GUCY1A2: variants seen among roughly 807,000 people sequenced by gnomAD.
GUCY1A2 encodes the protein guanylate cyclase 1 soluble subunit alpha 2, also known as guanylate cyclase soluble subunit alpha-2.
GUCY1A2 carries 27 observed loss-of-function variants against 63.5 expected under a neutral mutation model. The ratio of observed to expected loss-of-function variants is 0.43; its 90% CI spans 0.31 to 0.59. The LOEUF (loss-of-function observed/expected upper bound fraction) is 0.59, where lower values mean the gene tolerates loss of function less well. Ranked by LOEUF, GUCY1A2 falls within the 20% of genes least tolerant of loss-of-function variation. GUCY1A2 has a pLI of 0.11. For missense variants in GUCY1A2, 768 were observed against 913.3 expected (o/e 0.84, Z 2.05); for synonymous variants, 364 against 343.5 (o/e 1.06, Z -0.66).
intron 7 of GUCY1A2, among the ~76,000 whole-genome samples, chr11:106,707,694 A>T (rs1041877633): frequency 6.6e-6 from 1 of 152,102 alleles, no homozygotes; most frequent in Non-Finnish European, 1.5e-5. Context: ...ACTCATCATT[A>T]TGACTGTGAG....
chr11:106,686,145 A>G lies in GUCY1A2; in HGVS notation c.*1404T>C. The G allele has an allele frequency of 4.6e-6, 1 of 216,496 alleles. No individual in the cohort carries two copies. The highest frequency in any genetic ancestry group is 9.3e-6 in the Non-Finnish European group (1 of 107,436). 13.4% of individuals were successfully genotyped at this position (216,496 alleles called of 1,614,324 possible). A position where few individuals can be genotyped will look rare whatever the true frequency, so the allele number is the denominator to read the frequency against. On this transcript the variant is annotated 3_prime_UTR_variant, in exon 8 of 8. Transcript: ENST00000526355. ...CTTATTAACCTCAATAGAAACTTAG[A>G]TTTTATATCTGAACCCAAACAGGAA...
intron 3 of GUCY1A2, among the ~76,000 whole-genome samples, chr11:106,941,102 T>C (rs1860746823): frequency 1.3e-5 from 2 of 152,036 alleles, no homozygotes; most frequent in South Asian, 2.1e-4. Flanking sequence ...AAAATAATAA[T>C]GACAGAACTC....
At chr11:106,970,418 A>G (rs1861178843) in intron 3 of GUCY1A2, among the ~76,000 whole-genome samples, 1 of 152,184 alleles carries the variant, frequency 6.6e-6, no homozygotes, top group African/African-American at 2.4e-5. Context: ...CAGTCATAAT[A>G]TCAGGAAAAG....
chr11:106,849,923 A>G (rs911454700), intron 4 of GUCY1A2, among the ~76,000 whole-genome samples: 4 of 151,794 alleles, frequency 2.6e-5, no homozygotes, highest in Non-Finnish European at 5.9e-5. Context: ...CATTCAAAGT[A>G]TACAATTCAG....
At chr11:106,797,373 GA>G (rs1565293032) in intron 5 of GUCY1A2, among the ~76,000 whole-genome samples, 1 of 151,930 alleles carries the variant, frequency 6.6e-6, no homozygotes, top group Non-Finnish European at 1.5e-5. Context: ...ACAGATCAAC[GA>G]GACAGAAAGT....
rs1861845100 is a variant in GUCY1A2 at position 107,017,809 on chromosome 11, T to G, written c.247A>C (p.Arg83=). Residue 83 remains arginine, a synonymous_variant, in exon 1 of 8, where the codon AGG becomes CGG. Transcript: ENST00000526355. ...CCCAGCGAGTCCAGGTTGACCCGCC[T>G]CCGGCGCTGCACCCTCCTGGCCCCG... ...TAGARRVQRR[R]RVNLDSLGES... The G allele has an allele frequency of 7.1e-7, 1 of 1,415,886 alleles. No homozygotes were observed. Among genetic ancestry groups the G allele is most frequent in the Non-Finnish European group, 9.2e-7 (1 of 1,083,882 alleles). The allele number at this position is 1,415,886 out of a possible 1,614,324, so 87.7% of individuals were successfully genotyped here.
chr11:106,830,623 G>A (rs1473972783), intron 4 of GUCY1A2, among the ~76,000 whole-genome samples: 2 of 152,174 alleles, frequency 1.3e-5, no homozygotes, highest in South Asian at 2.1e-4. Context: ...TCCTGCTCTC[G>A]AACAACAGAC....
intron 4 of GUCY1A2, among the ~76,000 whole-genome samples, chr11:106,935,029 G>A (rs1860657129): frequency 6.6e-6 from 1 of 152,172 alleles, no homozygotes; most frequent in East Asian, 1.9e-4. Flanking sequence ...CAATCTGACA[G>A]AGACCAGAGA....
chr11:106,737,620 C>G (rs867966514), intron 6 of GUCY1A2, among the ~76,000 whole-genome samples: 18 of 152,166 alleles, frequency 1.2e-4, no homozygotes, highest in South Asian at 1.0e-3. Context: ...CATTGTTCAA[C>G]TCCCACTTAT....
chr11:106,901,530 C>T (rs182838077), intron 4 of GUCY1A2, among the ~76,000 whole-genome samples: 2 of 152,260 alleles, frequency 1.3e-5, no homozygotes, highest in Non-Finnish European at 1.5e-5. Context: ...TTCTAGTGTA[C>T]ATGTGCACAA....
intron 4 of GUCY1A2, among the ~76,000 whole-genome samples, chr11:106,841,177 C>A (rs892690780): frequency 6.6e-6 from 1 of 151,724 alleles, no homozygotes; most frequent in East Asian, 1.9e-4. Context: ...TCTACTAGTA[C>A]GCCCCTGCAA....
intron 6 of GUCY1A2, among the ~76,000 whole-genome samples, chr11:106,770,173 T>C (rs1317220500): frequency 6.6e-6 from 1 of 152,178 alleles, no homozygotes; most frequent in Non-Finnish European, 1.5e-5. Context: ...GCAGCCCTTA[T>C]ATTAAGTAGT....
At chr11:106,820,763 C>CACA (rs1858891169) in intron 4 of GUCY1A2, among the ~76,000 whole-genome samples, 1 of 152,022 alleles carries the variant, frequency 6.6e-6, no homozygotes, top group South Asian at 2.1e-4. Context: ...CTGAAGTGAA[C>CACA]CATAGAAAAG....
intron 6 of GUCY1A2, among the ~76,000 whole-genome samples, chr11:106,754,841 T>C (rs12420374): frequency 0.11 from 16,287 of 152,082 alleles, 1,017 homozygotes; most frequent in African/African-American, 0.18. Context: ...CTCTGCCAGG[T>C]TTTGGTATCA....
chr11:106,908,995 T>G (rs1944205), intron 4 of GUCY1A2, among the ~76,000 whole-genome samples: 135,012 of 151,944 alleles, frequency 0.89, 60,080 homozygotes, highest in East Asian at 1. Context: ...AATTTGGGCA[T>G]GGAAACAAGA....
intron 4 of GUCY1A2, among the ~76,000 whole-genome samples, chr11:106,825,908 G>A (rs1375950058): frequency 6.6e-6 from 1 of 152,142 alleles, no homozygotes; most frequent in Non-Finnish European, 1.5e-5. Flanking sequence ...AAAACCAGAA[G>A]TACAATTCAA....
At chr11:106,788,805 C>T (rs1312712752) in intron 5 of GUCY1A2, among the ~76,000 whole-genome samples, 1 of 152,160 alleles carries the variant, frequency 6.6e-6, no homozygotes, top group East Asian at 1.9e-4. Flanking sequence ...GTTACTATAG[C>T]TCTGTAGTAT....
intron 6 of GUCY1A2, among the ~76,000 whole-genome samples, chr11:106,739,736 G>T (rs1006963441): frequency 1.6e-4 from 24 of 151,764 alleles, no homozygotes; most frequent in Non-Finnish European, 2.9e-4. Flanking sequence ...TTTTTCCTTT[G>T]TTCATGTTTC....
At chr11:106,726,138 G>T (rs1350990241) in intron 6 of GUCY1A2, among the ~76,000 whole-genome samples, 1 of 152,130 alleles carries the variant, frequency 6.6e-6, no homozygotes, top group East Asian at 1.9e-4. Context: ...GATCAGGCTG[G>T]GCGTGGTGGT....
Sources: gnomAD v4.1 joint callset for allele counts (sites outside exome capture counted in the v4.1 genomes callset) on GRCh38, gnomAD v4.1.1 for gene constraint, MANE v1.5 for transcripts, NCBI Gene and HGNC (gene_info 2026-07-23, HGNC 2026-07-21) for gene names.